ASIC2: variants seen among roughly 807,000 people sequenced by gnomAD.
ASIC2 encodes acid-sensing ion channel 2.
Under a neutral mutation model 57.3 loss-of-function variants are expected in ASIC2, and 25 were observed. The ratio of observed to expected loss-of-function variants is 0.44; its 90% confidence interval spans 0.32 to 0.61. ASIC2 has a LOEUF of 0.61. ASIC2 is among the 20% of genes least tolerant of loss of function. The probability of loss-of-function intolerance (pLI) is 0.06; values close to 1 mark genes in which losing one functional copy is unlikely to be tolerated. For missense variants in ASIC2, 641 were observed against 738.1 expected (o/e 0.87, Z 1.52); for synonymous variants, 319 against 307.5 (o/e 1.04, Z -0.39).
At chr17:33,846,459 C>T (rs1245793568) in intron 1 of ASIC2, among the ~76,000 whole-genome samples, 3 of 152,116 alleles carry the variant, frequency 2.0e-5, no homozygotes, top group African/African-American at 7.2e-5. Context: ...TCATAATTGG[C>T]CTTGTTCTGT....
chr17:34,067,644 ATAACT>A (rs904129996), intron 1 of ASIC2, among the ~76,000 whole-genome samples: 3 of 152,238 alleles, frequency 2.0e-5, no homozygotes, highest in Non-Finnish European at 4.4e-5. Context: ...TCAAATGGAA[ATAACT>A]TAACTGTCTT....
intron 1 of ASIC2, among the ~76,000 whole-genome samples, chr17:33,888,660 C>T (rs67524415): frequency 0.17 from 25,903 of 151,992 alleles, 2,346 homozygotes; most frequent in African/African-American, 0.24. Flanking sequence ...GAGTCATCTG[C>T]CCACCAGCCT....
chr17:33,576,176 GCATT>G (rs1916615026), intron 1 of ASIC2, among the ~76,000 whole-genome samples: 1 of 152,140 alleles, frequency 6.6e-6, no homozygotes, highest in South Asian at 2.1e-4. Flanking sequence ...TTTCAGGCTT[GCATT>G]CTGCCCCAGA....
chr17:33,104,213 C>T (rs1482284713), intron 2 of ASIC2, among the ~76,000 whole-genome samples: 1 of 152,182 alleles, frequency 6.6e-6, no homozygotes, highest in East Asian at 1.9e-4. Flanking sequence ...AAAAAAAACC[C>T]TTCGATTGCC....
chr17:33,500,106 AAAAAT>A (rs750254027), intron 1 of ASIC2, among the ~76,000 whole-genome samples: 68 of 152,224 alleles, frequency 4.5e-4, no homozygotes, highest in Non-Finnish European at 8.2e-4. Context: ...CATACAGAAA[AAAAAT>A]AAAATAGGAA....
At chr17:34,017,175 T>C (rs1907007035) in intron 1 of ASIC2, among the ~76,000 whole-genome samples, 1 of 152,226 alleles carries the variant, frequency 6.6e-6, no homozygotes, top group African/African-American at 2.4e-5. Context: ...TTTTGGGAAT[T>C]CTCACAATAT....
intron 1 of ASIC2, among the ~76,000 whole-genome samples, chr17:33,902,687 TG>T (rs1183620140): frequency 6.6e-6 from 1 of 152,212 alleles, no homozygotes; most frequent in Non-Finnish European, 1.5e-5. Context: ...AGTCAACATC[TG>T]GGTTTTCTAT....
At chr17:33,975,738 C>A (rs1417532412) in intron 1 of ASIC2, among the ~76,000 whole-genome samples, 1 of 152,108 alleles carries the variant, frequency 6.6e-6, no homozygotes, top group Non-Finnish European at 1.5e-5. Flanking sequence ...TTGGCTCCCA[C>A]ATCATTGCCC....
Position 33,519,697 on chromosome 17 carries a change from G to GGGA in ASIC2, c.556-407633_556-407631dup, listed in dbSNP as rs540812306. Among the ~76,000 whole-genome samples the GGGA allele has an allele frequency of 1.2e-3, 183 of 152,244 alleles. 1 individual carries two copies. The highest frequency in any genetic ancestry group is 3.5e-3 in the Admixed American group (53 of 15,294). ...AGGACTGGATTTAGCACTTTCCTTAGGGAGGAGGAGGAGGCCTCCTTAAGG... is the reference window on the plus strand; with the variant it reads ...AGGACTGGATTTAGCACTTTCCTTAGGGAGGAGGAGGAGGAGGCCTCCTTAAGG... On this transcript the variant is annotated intron_variant, in intron 1 of 9. Coordinates refer to the ASIC2 transcript ENST00000359872.
At chr17:33,237,305 AG>A (rs1429197606) in intron 1 of ASIC2, among the ~76,000 whole-genome samples, 2 of 151,420 alleles carry the variant, frequency 1.3e-5, no homozygotes, top group East Asian at 3.9e-4. Flanking sequence ...TGGTGGGAGA[AG>A]GTATTGGTCT....
intron 3 of ASIC2, among the ~76,000 whole-genome samples, chr17:33,068,463 G>T (rs1254640468): frequency 3.9e-5 from 6 of 152,160 alleles, no homozygotes; most frequent in Non-Finnish European, 8.8e-5. Flanking sequence ...AACCTGGGAG[G>T]CAGAGGTTGC....
At chr17:33,622,387 A>T (rs533249845) in intron 1 of ASIC2, among the ~76,000 whole-genome samples, 25 of 152,248 alleles carry the variant, frequency 1.6e-4, no homozygotes, top group African/African-American at 3.4e-4. Context: ...CAGTTTTTTT[A>T]AAAAAAGACA....
intron 1 of ASIC2, among the ~76,000 whole-genome samples, chr17:33,351,402 C>T (rs138959320): frequency 6.6e-6 from 1 of 152,286 alleles, no homozygotes; most frequent in Non-Finnish European, 1.5e-5. Flanking sequence ...TCTCATGCTG[C>T]CACATTAAGC....
intron 1 of ASIC2, among the ~76,000 whole-genome samples, chr17:33,950,306 G>T (rs1904517917): frequency 6.6e-6 from 1 of 152,214 alleles, no homozygotes; most frequent in South Asian, 2.1e-4. Context: ...TACTCCTCCA[G>T]CTGGAGCTGA....
At chr17:33,319,788 C>T (rs1056826920) in intron 1 of ASIC2, among the ~76,000 whole-genome samples, 3 of 152,152 alleles carry the variant, frequency 2.0e-5, no homozygotes, top group Non-Finnish European at 4.4e-5. Context: ...CCCTCCTCGG[C>T]CTCCCAAAGT....
intron 1 of ASIC2, among the ~76,000 whole-genome samples, chr17:33,342,337 C>CGTGTGTGTGTGTAT (rs1346874299): frequency 1.3e-5 from 2 of 150,400 alleles, no homozygotes; most frequent in African/African-American, 4.9e-5. Context: ...TGTGTGTGTA[C>CGTGTGTGTGTGTAT]GTGTGTGTGT....
chr17:34,035,301 A>G (rs2142040803), intron 1 of ASIC2, among the ~76,000 whole-genome samples: 1 of 145,530 alleles, frequency 6.9e-6, no homozygotes, highest in Non-Finnish European at 1.5e-5. Flanking sequence ...AAAACTGGCT[A>G]GCCATATGTG....
intron 1 of ASIC2, chr17:33,980,825 G>T (rs1377094451): frequency 1.3e-5 from 2 of 152,120 alleles, no homozygotes; most frequent in African/African-American, 4.8e-5. Context: ...AACTCTGAAG[G>T]CTCATTCCAT....
intron 1 of ASIC2, among the ~76,000 whole-genome samples, chr17:33,767,763 G>T (rs770797288): frequency 2.6e-5 from 4 of 152,156 alleles, no homozygotes; most frequent in Non-Finnish European, 5.9e-5. Context: ...TTGAGACTAT[G>T]AATATTTTTA....
Sources: allele counts gnomAD v4.1 joint callset (sites outside exome capture counted in the v4.1 genomes callset), GRCh38; gene constraint gnomAD v4.1.1; transcripts MANE v1.5; gene names NCBI Gene and HGNC (gene_info 2026-07-23, HGNC 2026-07-21).